Variants in CHN2 observed in about 807,000 individuals in gnomAD.
CHN2 encodes beta-chimaerin.
CHN2 carries 35 observed loss-of-function variants against 56.3 expected under a neutral mutation model. The observed-to-expected ratio is 0.62, with a 90% CI of 0.47 to 0.82. The LOEUF is 0.82. Among genes scored for constraint, CHN2 ranks in the 40% least tolerant of loss-of-function variants. The pLI is 0.00. For missense variants in CHN2, 491 were observed against 580.5 expected (o/e 0.85, Z 1.58); for synonymous variants, 210 against 212.8 (o/e 0.99, Z 0.12).
chr7:29,208,025 T>A (rs917878390), intron 1 of CHN2, among the ~76,000 whole-genome samples: 3 of 152,332 alleles, frequency 2.0e-5, no homozygotes. Flanking sequence ...TCAATGAACA[T>A]TTTTTAATAC....
chr7:29,213,357 A>T lies in CHN2; in HGVS notation c.49+18367A>T, dbSNP rs997349069. On this transcript the variant is annotated intron_variant, in intron 1 of 12. Coordinates refer to ENST00000222792, the MANE Select transcript of CHN2 (RefSeq NM_004067.4). ...CCATTATGCCTATCCAGTCAATTTG[A>T]TGGAGGATACAGTATGGTTGGAGCC... 6.2e-6 allele frequency: 4 copies of T among 642,956 alleles called. No homozygotes were observed. The Admixed American group carries it at 6.7e-5, about 11-fold the overall frequency. The allele number at this position is 642,956 out of a possible 1,614,324, so 39.8% of individuals were successfully genotyped here. A position where few individuals can be genotyped will look rare whatever the true frequency, so the allele number is the denominator to read the frequency against.
chr7:29,422,738 G>C (rs1216580119), intron 6 of CHN2, among the ~76,000 whole-genome samples: 4 of 152,144 alleles, frequency 2.6e-5, no homozygotes, highest in Non-Finnish European at 5.9e-5. Flanking sequence ...AAGCTAACCA[G>C]GTTTCTTTTT....
chr7:29,234,197 T>G (rs1786991661), intron 1 of CHN2, among the ~76,000 whole-genome samples: 1 of 152,094 alleles, frequency 6.6e-6, no homozygotes, highest in African/African-American at 2.4e-5. Flanking sequence ...TATAATAAGT[T>G]TGTGTTATTT....
At chr7:29,214,579 C>T (rs928035594) in intron 1 of CHN2, among the ~76,000 whole-genome samples, 1 of 152,126 alleles carries the variant, frequency 6.6e-6, no homozygotes, top group Non-Finnish European at 1.5e-5. Context: ...TGGTGTCTTT[C>T]CTAATCTTCA....
chr7:29,502,939 C>T (rs60197377), intron 9 of CHN2, among the ~76,000 whole-genome samples: 24,313 of 151,936 alleles, frequency 0.16, 3,642 homozygotes, highest in African/African-American at 0.39. Flanking sequence ...GTGGTGGTCC[C>T]CTCCCTGTGT....
At chr7:29,289,996 T>G (rs1792466826) in intron 1 of CHN2, among the ~76,000 whole-genome samples, 1 of 152,240 alleles carries the variant, frequency 6.6e-6, no homozygotes, top group Admixed American at 6.5e-5. Flanking sequence ...ACTTTGCATT[T>G]GAAGGTTTTA....
intron 1 of CHN2, among the ~76,000 whole-genome samples, chr7:29,277,153 G>T (rs1182027969): frequency 1.3e-5 from 2 of 152,198 alleles, no homozygotes; most frequent in Non-Finnish European, 2.9e-5. Flanking sequence ...TCTGTGAAAT[G>T]CAGGGACCCT....
At position 29,146,635 on chromosome 7, in the gene CHN2, G is replaced by A. The variant is rs769641932; in HGVS notation, c.52G>A (p.Val18Ile). Residue 18 changes from valine to isoleucine, a missense_variant, in exon 1 of 7, where the codon GTC becomes ATC. By Grantham distance (29) the Val-to-Ile change is conservative (BLOSUM62 3). Coordinates refer to the CHN2 transcript ENST00000439384. The stretch of plus-strand genomic sequence containing the variant: ...TGCGTCGTCGTGTCCCAACCTCCTG[G>A]TCCCAGAAACCTGGCCGCATCAAGT... 17 of 1,550,502 alleles carry A rather than the reference G, an allele frequency of 1.1e-5. No individual in the cohort carries two copies. The South Asian group carries it at 1.3e-4, about 12-fold the overall frequency.
chr7:29,224,188 A>G (rs1406061172), intron 1 of CHN2, among the ~76,000 whole-genome samples: 1 of 152,148 alleles, frequency 6.6e-6, no homozygotes, highest in Non-Finnish European at 1.5e-5. Flanking sequence ...TTGCTGTCCA[A>G]ATTAAGAAGC....
chr7:29,290,464 A>G (rs557774042), intron 1 of CHN2, among the ~76,000 whole-genome samples: 98 of 152,280 alleles, frequency 6.4e-4, no homozygotes, highest in Non-Finnish European at 1.0e-3. Flanking sequence ...AGATTCATGG[A>G]AGAAGACCAT....
upstream of CHN2, among the ~76,000 whole-genome samples, chr7:29,189,806 G>T (rs1015580608): frequency 6.6e-6 from 1 of 152,094 alleles, no homozygotes; most frequent in East Asian, 1.9e-4. Flanking sequence ...GGCCAAATAG[G>T]ATACTCCAGG....
intron 6 of CHN2, among the ~76,000 whole-genome samples, chr7:29,444,512 C>G (rs1312105783): frequency 6.6e-6 from 1 of 152,196 alleles, no homozygotes; most frequent in African/African-American, 2.4e-5. Context: ...GCCTGCCTCC[C>G]TTCAGAGTCT....
chr7:29,259,765 G>A (rs966867349), intron 1 of CHN2, among the ~76,000 whole-genome samples: 6 of 152,136 alleles, frequency 3.9e-5, no homozygotes, highest in Non-Finnish European at 8.8e-5. Flanking sequence ...TGGTGAGGAT[G>A]TGTTAATTAA....
intron 1 of CHN2, among the ~76,000 whole-genome samples, chr7:29,274,568 A>G (rs3793305): frequency 0.27 from 41,052 of 152,064 alleles, 6,398 homozygotes; most frequent in East Asian, 0.51. Context: ...TTAGCGAAAT[A>G]AGCATGAATG....
At chr7:29,333,962 C>T (rs2128906756) in intron 1 of CHN2, among the ~76,000 whole-genome samples, 1 of 151,706 alleles carries the variant, frequency 6.6e-6, no homozygotes, top group South Asian at 2.1e-4. Flanking sequence ...GATTACCTGG[C>T]TTTTGACAAT....
intron 1 of CHN2, among the ~76,000 whole-genome samples, chr7:29,249,027 G>C (rs545281868): frequency 9.2e-5 from 14 of 152,246 alleles, no homozygotes; most frequent in Non-Finnish European, 1.3e-4. Context: ...TTTTGGTCAG[G>C]GTTCTCTAAA....
At chr7:29,299,074 T>C (rs1793429572) in intron 1 of CHN2, among the ~76,000 whole-genome samples, 1 of 152,058 alleles carries the variant, frequency 6.6e-6, no homozygotes, top group South Asian at 2.1e-4. Flanking sequence ...AGAGCGAGAG[T>C]CCTGCTAGCT....
intron 1 of CHN2, among the ~76,000 whole-genome samples, chr7:29,316,789 G>C (rs1286974588): frequency 6.6e-6 from 1 of 152,060 alleles, no homozygotes; most frequent in African/African-American, 2.4e-5. Context: ...GCTTTCTAGA[G>C]TATGGAGTCT....
At chr7:29,195,098 T>C (rs967350270) in intron 1 of CHN2, 108 bp downstream of exon 1, 3 of 1,243,186 alleles carry the variant, frequency 2.4e-6, no homozygotes, top group Non-Finnish European at 3.3e-6. Flanking sequence ...CCGCCCGCTC[T>C]CTCGGAATGG....
Sources: allele counts gnomAD v4.1 joint callset (sites outside exome capture counted in the v4.1 genomes callset), GRCh38; gene constraint gnomAD v4.1.1; transcripts MANE v1.5; gene names NCBI Gene and HGNC (gene_info 2026-07-23, HGNC 2026-07-21).